Variants in SDHA observed in about 807,000 individuals in gnomAD.
SDHA encodes the protein succinate dehydrogenase complex flavoprotein subunit A.
In SDHA, 48 loss-of-function variants were observed where a neutral mutation model predicts 78.4. The ratio of observed to expected loss-of-function variants is 0.61; its 90% CI spans 0.49 to 0.78. The LOEUF is 0.78. SDHA is among the 30% of genes least tolerant of loss of function. The pLI is 0.00. For synonymous variants in SDHA, 326 were observed against 353.9 expected (o/e 0.92, Z 0.88); for missense variants, 680 against 892.7 (o/e 0.76, Z 3.04).
the SDHA span, among the ~76,000 whole-genome samples, chr5:262,378 T>C: frequency 9.3e-4 from 86 of 92,686 alleles, 13 homozygotes; most frequent in African/African-American, 5.4e-3. Context: ...GAGCTCCGCC[T>C]CCTGTCCAAG....
chr5:235,902 G>A lies in SDHA; in HGVS notation c.1261-526G>A, dbSNP rs180949704. The A allele has an allele frequency of 4.8e-3, 1,191 of 250,408 alleles. 16 individuals are homozygous for A. The highest frequency in any genetic ancestry group is 0.026 in the African/African-American group (1,145 of 44,480). The allele number at this position is 250,408 out of a possible 1,614,324, so 15.5% of individuals were successfully genotyped here. On this transcript the variant is annotated intron_variant, in intron 9 of 14. Coordinates refer to ENST00000264932, the MANE Select transcript of SDHA (RefSeq NM_004168.4). ...CAGATGCTGACATTGGAGGTCCTCT[G>A]ACCTGCTTGTAACAGCAGGTGCTCA...
chr5:258,264 C>A (rs1402460587), downstream of SDHA, among the ~76,000 whole-genome samples: 2 of 127,134 alleles, frequency 1.6e-5, no homozygotes, highest in East Asian at 4.1e-4. Flanking sequence ...AGCTCCGCCC[C>A]ATGTTAGAGC....
At chr5:229,822 G>C (rs1228925848) in intron 6 of SDHA, among the ~76,000 whole-genome samples, 1 of 119,662 alleles carries the variant, frequency 8.4e-6, no homozygotes, top group South Asian at 2.2e-4. Context: ...ATGGTGGCTA[G>C]AGTTAACATT....
Position 236,422 on chromosome 5 carries a change from C to G in SDHA, c.1261-6C>G. 6.2e-7 allele frequency: 1 copy of G among 1,613,362 alleles called. No individual in the cohort carries two copies. The highest frequency in any genetic ancestry group is 8.5e-7 in the Non-Finnish European group (1 of 1,179,446). ...GACATTTCACCTGAAATCTTCCTTT[C>G]CACAGGTCCTGAGGCACGTGAATGG... On this transcript the variant is annotated splice_region_variant and splice_polypyrimidine_tract_variant and intron_variant, in intron 9 of 14. Coordinates refer to ENST00000264932, the MANE Select transcript of SDHA (RefSeq NM_004168.4).
rs1301747916 is a variant in SDHA at position 223,526 on chromosome 5, T to G, written c.108T>G (p.Thr36=). ...LQTGTRGFHF[T]VDGNKRASAK... ...CAGGAACCCGAGGTTTTCACTTCAC[T>G]GTTGATGGGAACAAGAGGGCATCTG... is the stretch of plus-strand genomic sequence containing the variant. The change falls in exon 2 of 15, where the codon ACT becomes ACG. Residue 36 remains threonine, a synonymous_variant. Transcript: ENST00000264932. 1.9e-6 allele frequency: 3 copies of G among 1,613,876 alleles called. No homozygotes were observed. In the East Asian group the frequency reaches 6.7e-5, roughly 36 times the overall value.
At chr5:236,263 G>A in intron 9 of SDHA, 165 bp from the exon 10 acceptor site, 2 of 705,654 alleles carry the variant, frequency 2.8e-6, no homozygotes, top group East Asian at 5.4e-5. Flanking sequence ...GACCTCAGGT[G>A]ATCACCCACC....
At chr5:249,882 A>G (rs989636770) in intron 11 of SDHA, 4 of 152,258 alleles carry the variant, frequency 2.6e-5, no homozygotes, top group African/African-American at 9.6e-5. Context: ...TGAAAAACTA[A>G]CAGAAACAAA....
At chr5:230,755 T>C in intron 6 of SDHA, 121 bp from the exon 7 acceptor site, 1 of 1,325,592 alleles carries the variant, frequency 7.5e-7, no homozygotes, top group Admixed American at 1.7e-5. Context: ...AGTAGGGGGT[T>C]GTGTGTGCAC....
chr5:223,962 T>G (rs1205321782), intron 2 of SDHA, among the ~76,000 whole-genome samples: 1 of 149,958 alleles, frequency 6.7e-6, no homozygotes, highest in Non-Finnish European at 1.5e-5. Context: ...GCCCCTCGGG[T>G]GTGGGTTGCT....
intron 14 of SDHA, 106 bp downstream of exon 14, chr5:254,612 A>C: frequency 1.4e-6 from 2 of 1,458,054 alleles, no homozygotes; most frequent in Non-Finnish European, 1.9e-6. Flanking sequence ...GGCCAGATTT[A>C]AATCAACTCC....
intron 12 of SDHA, 51 bp downstream of exon 12, chr5:251,154 G>T (rs757164247): frequency 3.1e-6 from 5 of 1,588,426 alleles, no homozygotes; most frequent in Non-Finnish European, 4.3e-6. Flanking sequence ...CCTTCTGCAG[G>T]GTGGGCTGGT....
chr5:223,825 TTAAAA>T (rs1281465222), intron 2 of SDHA, among the ~76,000 whole-genome samples: 1 of 152,152 alleles, frequency 6.6e-6, no homozygotes, highest in East Asian at 1.9e-4. Context: ...AAGCAATAAA[TTAAAA>T]TAAAATGAAC....
intron 13 of SDHA, chr5:251,733 G>A (rs1482715023): frequency 7.0e-7 from 1 of 1,423,402 alleles, no homozygotes; most frequent in Non-Finnish European, 9.3e-7. Flanking sequence ...GAAGGCCAAG[G>A]TTAGAAGTGC....
intron 9 of SDHA, 33 bp from the exon 10 acceptor site, chr5:236,395 T>C (rs761524764): frequency 6.2e-7 from 1 of 1,609,564 alleles, no homozygotes; most frequent in Non-Finnish European, 8.5e-7. Flanking sequence ...CATGGGCACC[T>C]TGACATTTCA....
the SDHA span, among the ~76,000 whole-genome samples, chr5:264,585 G>C: frequency 6.6e-6 from 1 of 152,184 alleles, no homozygotes; most frequent in African/African-American, 2.4e-5. Flanking sequence ...GCAGCATCCC[G>C]GGTGCTGGTG....
chr5:254,842 G>T (rs570540478), intron 14 of SDHA, among the ~76,000 whole-genome samples: 1 of 152,054 alleles, frequency 6.6e-6, no homozygotes, highest in African/African-American at 2.4e-5. Context: ...CATCTGTGGG[G>T]TGGGGACACA....
chr5:259,183 T>G (rs370874470), downstream of SDHA, among the ~76,000 whole-genome samples: 1 of 42,556 alleles, frequency 2.3e-5, no homozygotes, highest in African/African-American at 2.1e-4. Context: ...CCGCCTCCCG[T>G]CAGAGCATTA....
chr5:261,807 C>T (rs1579456321), downstream of SDHA, among the ~76,000 whole-genome samples: 2 of 3,886 alleles, frequency 5.1e-4, 1 homozygote, highest in East Asian at 2.9e-3. Context: ...CGCCCCCCGA[C>T]AGAGCATTAC....
chr5:218,395 C>G lies in SDHA; in HGVS notation c.40C>G (p.Arg14Gly), dbSNP rs1192077362. 1.4e-6 allele frequency: 2 copies of G among 1,446,550 alleles called. No individual in the cohort carries two copies. The highest frequency in any genetic ancestry group is 1.8e-6 in the Non-Finnish European group (2 of 1,108,928). 89.6% of individuals were successfully genotyped at this position (1,446,550 alleles called of 1,614,324 possible). Residue 14 changes from arginine (R) to glycine (G), a missense_variant, in exon 1 of 15, where the codon CGG becomes GGG. Coordinates refer to ENST00000264932, the MANE Select transcript of SDHA (RefSeq NM_004168.4). ...GGGCCTGTCGCGGCTGCTGAGCGCT[C>G]GGCGCCTGGCGCTGGCCAAGGCGGT... ...VRGLSRLLSA[R>G]RLALAKAWPT...
Sources: allele counts gnomAD v4.1 joint callset (sites outside exome capture counted in the v4.1 genomes callset), GRCh38; gene constraint gnomAD v4.1.1; transcripts MANE v1.5; gene names NCBI Gene and HGNC (gene_info 2026-07-23, HGNC 2026-07-21).